Variants in DPYSL2 observed in about 807,000 individuals in gnomAD.
DPYSL2 encodes the protein dihydropyrimidinase like 2.
DPYSL2 carries 13 observed loss-of-function variants against 69.9 expected under a neutral mutation model. That is an observed-to-expected ratio of 0.19 (90% confidence interval 0.12 to 0.30). DPYSL2 has a LOEUF of 0.30. Ranked by LOEUF, DPYSL2 falls within the 10% of genes least tolerant of loss-of-function variation. The pLI, the probability that DPYSL2 is intolerant of heterozygous loss-of-function variation, is 1.00. For synonymous variants in DPYSL2, 326 were observed against 359.1 expected (o/e 0.91, Z 1.04); for missense variants, 587 against 918.9 (o/e 0.64, Z 4.67).
At chr8:26,526,800 T>TG (rs1489387928) in intron 1 of DPYSL2, among the ~76,000 whole-genome samples, 1 of 152,236 alleles carries the variant, frequency 6.6e-6, no homozygotes, top group East Asian at 1.9e-4. Flanking sequence ...ATTGGTGTGT[T>TG]CCACGGGGGA....
intron 1 of DPYSL2, among the ~76,000 whole-genome samples, chr8:26,537,542 G>A (rs1245858847): frequency 2.0e-5 from 3 of 151,566 alleles, no homozygotes; most frequent in African/African-American, 4.8e-5. Context: ...CAGAATTTTT[G>A]TAGACCTTTC....
At chr8:26,524,663 A>T (rs1257340414) in intron 1 of DPYSL2, among the ~76,000 whole-genome samples, 1 of 151,872 alleles carries the variant, frequency 6.6e-6, no homozygotes, top group Non-Finnish European at 1.5e-5. Flanking sequence ...CCGGGCATGT[A>T]TGGTGGCGTG....
chr8:26,626,516 C>A lies in DPYSL2; in HGVS notation c.794-101C>A. The A allele has an allele frequency of 1.1e-6, 1 of 925,652 alleles. No homozygotes were observed. 57.3% of individuals were successfully genotyped at this position (925,652 alleles called of 1,614,324 possible). Reference sequence around the variant, plus strand: ...ACACACACACACACACACACACACACACACACGTACACACACAGACAGTAT... The same window carrying A: ...ACACACACACACACACACACACACAAACACACGTACACACACAGACAGTAT... On this transcript the variant is annotated intron_variant, in intron 4 of 13. Coordinates refer to ENST00000521913, the MANE Select transcript of DPYSL2 (RefSeq NM_001197293.3). The surrounding 1 kb of genome is among the most constrained non-coding windows in gnomAD (Gnocchi z 4.3).
intron 1 of DPYSL2, among the ~76,000 whole-genome samples, chr8:26,540,608 G>A (rs1800663880): frequency 6.6e-6 from 1 of 152,128 alleles, no homozygotes; most frequent in South Asian, 2.1e-4. Flanking sequence ...CATATTGTAA[G>A]TTGAAAATAT....
chr8:26,523,451 C>A (rs1208294168), intron 1 of DPYSL2, among the ~76,000 whole-genome samples: 1 of 151,940 alleles, frequency 6.6e-6, no homozygotes, highest in Admixed American at 6.6e-5. Flanking sequence ...AACTTTGTAC[C>A]CATGAAGCAA....
At chr8:26,594,971 C>T (rs531872324) in intron 3 of DPYSL2, among the ~76,000 whole-genome samples, 2 of 152,068 alleles carry the variant, frequency 1.3e-5, no homozygotes, top group African/African-American at 4.8e-5. Context: ...CACTTGAAGG[C>T]GCCAGGAGTT....
rs980624472 is a variant in DPYSL2, at chr8:26,656,471, C to T, written c.*765C>T. 6.6e-6 allele frequency: 1 copy of T among 152,216 alleles called. No homozygotes were observed. Among genetic ancestry groups the T allele is most frequent in the South Asian group, 2.1e-4 (1 of 4,800 alleles). The allele number at this position is 152,216 out of a possible 1,614,324, so 9.4% of individuals were successfully genotyped here. ...CTTTTACCATTTTTCTGCGTGCTCT[C>T]ACTCTCTCTTTCTCTCTCTAGCTTT... On this transcript the variant is annotated 3_prime_UTR_variant, in exon 14 of 14. Coordinates refer to ENST00000521913, the MANE Select transcript of DPYSL2 (RefSeq NM_001197293.3).
chr8:26,532,228 A>G (rs1159955962), intron 1 of DPYSL2, among the ~76,000 whole-genome samples: 1 of 152,104 alleles, frequency 6.6e-6, no homozygotes, highest in African/African-American at 2.4e-5. Context: ...GAACCCAGGG[A>G]TGAGGTCAGA....
At chr8:26,527,890 C>T (rs1808507878) in intron 1 of DPYSL2, among the ~76,000 whole-genome samples, 1 of 148,748 alleles carries the variant, frequency 6.7e-6, no homozygotes, top group Non-Finnish European at 1.5e-5. Flanking sequence ...GCAACCTCTG[C>T]TTCCCAGACT....
intron 1 of DPYSL2, among the ~76,000 whole-genome samples, chr8:26,573,551 C>G (rs1801274398): frequency 1.3e-5 from 2 of 151,826 alleles, no homozygotes; most frequent in African/African-American, 4.8e-5. Flanking sequence ...CACCTGTAGT[C>G]CCAGCTACTC....
At chr8:26,577,752 T>C (rs1423004482) in intron 1 of DPYSL2, 6 of 961,734 alleles carry the variant, frequency 6.2e-6, no homozygotes, top group South Asian at 4.8e-5. Context: ...TCGCGCCGCC[T>C]GCCGCCCCCG....
chr8:26,603,689 G>A (rs985860712), intron 3 of DPYSL2, among the ~76,000 whole-genome samples: 2 of 152,014 alleles, frequency 1.3e-5, no homozygotes, highest in African/African-American at 2.4e-5. Flanking sequence ...CTAGCCCCTG[G>A]TGGCCCCTAT....
intron 1 of DPYSL2, among the ~76,000 whole-genome samples, chr8:26,570,520 C>T (rs62491886): frequency 0.013 from 2,009 of 152,062 alleles, 28 homozygotes; most frequent in Middle Eastern, 0.075. Context: ...GGGCAGATCA[C>T]GAGGTCAGGA....
rs17055487 is a variant in DPYSL2, at chr8:26,593,582, G to C, written c.628+9599G>C. The stretch of plus-strand genomic sequence containing the variant: ...TCCCCAGAAGCTTAACCATGGAGGG[G>C]CTGAGCTAATTGTCACCAGAAAGAG... On this transcript the variant is annotated intron_variant, in intron 3 of 13. Coordinates refer to ENST00000521913, the MANE Select transcript of DPYSL2 (RefSeq NM_001197293.3). This position sits in a 1 kb window ranked among gnomAD's most constrained non-coding sequence, Gnocchi z 5.7. 0.029 allele frequency among the ~76,000 whole-genome samples: 4,382 copies of C among 152,274 alleles called. 90 individuals are homozygous for C. The highest frequency in any genetic ancestry group is 0.071 in the Middle Eastern group (21 of 294).
At chr8:26,622,161 C>CCCTCCCTCTT (rs1802506185) in intron 3 of DPYSL2, among the ~76,000 whole-genome samples, 1 of 91,430 alleles carries the variant, frequency 1.1e-5, no homozygotes, top group Non-Finnish European at 2.3e-5. Context: ...TTCCTTCCCT[C>CCCTCCCTCTT]TCTCTCTCTT....
intron 1 of DPYSL2, among the ~76,000 whole-genome samples, chr8:26,529,197 G>C (rs1004425346): frequency 6.6e-6 from 1 of 151,994 alleles, no homozygotes; most frequent in Admixed American, 6.6e-5. Context: ...GCCTAAGATC[G>C]TTATAAGATT....
rs773807857 is a variant in DPYSL2 at position 26,586,196 on chromosome 8, A to T, written c.628+2213A>T. Reference sequence around the variant, plus strand: ...CCCCAGCCAGGAGTTAGGAGTCTGGAGTGCTGGCCCCCTTCTGACACTGAC... The same window carrying T: ...CCCCAGCCAGGAGTTAGGAGTCTGGTGTGCTGGCCCCCTTCTGACACTGAC... On this transcript the variant is annotated intron_variant, in intron 3 of 13. Transcript: ENST00000521913. This position sits in a 1 kb window ranked among gnomAD's most constrained non-coding sequence, Gnocchi z 4.7. Among the ~76,000 whole-genome samples the T allele has an allele frequency of 2.0e-5, 3 of 152,144 alleles. No individual in the cohort carries two copies. The highest frequency in any genetic ancestry group is 4.4e-5 in the Non-Finnish European group (3 of 68,022).
intron 3 of DPYSL2, among the ~76,000 whole-genome samples, chr8:26,611,778 G>A (rs1172168029): frequency 1.3e-5 from 2 of 152,178 alleles, no homozygotes; most frequent in Non-Finnish European, 2.9e-5. Flanking sequence ...TTCCTATTAA[G>A]TGTCTGTCTG....
intron 3 of DPYSL2, among the ~76,000 whole-genome samples, chr8:26,602,231 GC>G (rs1456850920): frequency 6.6e-6 from 1 of 151,464 alleles, no homozygotes; most frequent in African/African-American, 2.4e-5. Context: ...TTGGGTCTGG[GC>G]CATGCCTTTG....
Sources: gnomAD v4.1 joint callset for allele counts (sites outside exome capture counted in the v4.1 genomes callset) on GRCh38, gnomAD v4.1.1 for gene constraint, Gnocchi (gnomAD v3.1) non-coding constraint, MANE v1.5 for transcripts, NCBI Gene and HGNC (gene_info 2026-07-23, HGNC 2026-07-21) for gene names.